Variants in SLC25A13 observed in about 807,000 individuals in gnomAD.
SLC25A13 encodes electrogenic aspartate/glutamate antiporter SLC25A13, mitochondrial.
In SLC25A13, 70 loss-of-function variants were observed where a neutral mutation model predicts 85.5. The observed-to-expected ratio is 0.82, with a 90% CI of 0.68 to 1.00. SLC25A13 has a LOEUF of 1.00. Ranked by LOEUF, SLC25A13 falls within the 50% of genes least tolerant of loss-of-function variation. SLC25A13 has a pLI of 0.00. For missense variants in SLC25A13, 765 were observed against 819.8 expected, an observed-to-expected ratio of 0.93 and a Z score of 0.82; for synonymous variants, 259 against 288.7, an observed-to-expected ratio of 0.90 and a Z score of 1.04.
At chr7:96,242,938 A>G (rs1797047811) in intron 3 of SLC25A13, among the ~76,000 whole-genome samples, 1 of 152,168 alleles carries the variant, frequency 6.6e-6, no homozygotes, top group Admixed American at 6.5e-5. Flanking sequence ...CCTGGCTCAG[A>G]ATAAATCTCT....
At chr7:96,302,382 G>GA (rs1562917945) in intron 1 of SLC25A13, among the ~76,000 whole-genome samples, 1 of 152,106 alleles carries the variant, frequency 6.6e-6, no homozygotes, top group African/African-American at 2.4e-5. Context: ...TCTTACAAGG[G>GA]AATCAAGCCA....
chr7:96,280,250 A>C (rs760352515), intron 2 of SLC25A13, among the ~76,000 whole-genome samples: 71 of 152,308 alleles, frequency 4.7e-4, no homozygotes, highest in Non-Finnish European at 5.1e-4. Flanking sequence ...AGATAGTGAA[A>C]CATGTTCAAA....
intron 4 of SLC25A13, among the ~76,000 whole-genome samples, chr7:96,232,329 T>C (rs780805276): frequency 6.6e-6 from 1 of 151,542 alleles, no homozygotes; most frequent in Non-Finnish European, 1.5e-5. Context: ...AGCAAACTAA[T>C]GTGGGAACAG....
At chr7:96,207,610 G>A (rs1422267225) in intron 5 of SLC25A13, among the ~76,000 whole-genome samples, 1 of 152,176 alleles carries the variant, frequency 6.6e-6, no homozygotes, top group East Asian at 1.9e-4. Flanking sequence ...GTAACTGTTA[G>A]AAACAAAGCA....
intron 2 of SLC25A13, among the ~76,000 whole-genome samples, chr7:96,292,160 C>T (rs1489580475): frequency 6.6e-6 from 1 of 152,146 alleles, no homozygotes; most frequent in Non-Finnish European, 1.5e-5. Flanking sequence ...AGCATATAAA[C>T]AGAACCAAAG....
intron 15 of SLC25A13, among the ~76,000 whole-genome samples, chr7:96,123,068 C>T (rs561876317): frequency 8.3e-4 from 126 of 152,254 alleles, no homozygotes; most frequent in African/African-American, 2.7e-3. Context: ...GCATACTACA[C>T]GCTTCCATTT....
intron 2 of SLC25A13, among the ~76,000 whole-genome samples, chr7:96,280,368 T>C (rs1215484775): frequency 6.6e-6 from 1 of 152,128 alleles, no homozygotes; most frequent in Non-Finnish European, 1.5e-5. Flanking sequence ...AAATGACCTT[T>C]AGAATCATTA....
intron 4 of SLC25A13, among the ~76,000 whole-genome samples, chr7:96,217,650 T>C (rs978714741): frequency 6.6e-6 from 1 of 152,154 alleles, no homozygotes; most frequent in Non-Finnish European, 1.5e-5. Context: ...ATTTTATGAT[T>C]CCATTTATAT....
intron 9 of SLC25A13, among the ~76,000 whole-genome samples, chr7:96,187,078 G>A (rs1794670775): frequency 6.6e-6 from 1 of 152,128 alleles, no homozygotes; most frequent in Admixed American, 6.5e-5. Flanking sequence ...TCCTCACAGT[G>A]TTTTTGATGC....
chr7:96,149,684 G>A (rs770761213), intron 13 of SLC25A13, among the ~76,000 whole-genome samples: 2 of 152,140 alleles, frequency 1.3e-5, no homozygotes, highest in South Asian at 2.1e-4. Flanking sequence ...CTTTGGAGTC[G>A]AACTGGAAGG....
intron 15 of SLC25A13, among the ~76,000 whole-genome samples, chr7:96,131,217 A>G (rs1341576374): frequency 2.6e-5 from 4 of 152,204 alleles, no homozygotes; most frequent in African/African-American, 9.6e-5. Context: ...GAAAAAAAGA[A>G]GATAGTTATT....
intron 4 of SLC25A13, among the ~76,000 whole-genome samples, chr7:96,211,433 CTAGAG>C (rs1186953387): frequency 5.9e-5 from 9 of 152,030 alleles, no homozygotes; most frequent in African/African-American, 2.2e-4. Context: ...TATAAATCTT[CTAGAG>C]TATACTATAC....
chr7:96,194,376 G>A (rs562037188), intron 5 of SLC25A13, among the ~76,000 whole-genome samples: 102 of 132,376 alleles, frequency 7.7e-4, no homozygotes, highest in African/African-American at 2.6e-3. Context: ...TGGGGAGGAG[G>A]AGGTTGCAGT....
chr7:96,135,061 G>A (rs1792217167), intron 14 of SLC25A13, among the ~76,000 whole-genome samples: 1 of 152,092 alleles, frequency 6.6e-6, no homozygotes, highest in South Asian at 2.1e-4. Context: ...ATGAGCACCT[G>A]TAGAAATCAA....
At chr7:96,318,548 T>C (rs1800214027) in intron 1 of SLC25A13, among the ~76,000 whole-genome samples, 2 of 152,248 alleles carry the variant, frequency 1.3e-5, no homozygotes, top group Non-Finnish European at 2.9e-5. Context: ...TTTAGATTAA[T>C]GTTCATTCAC....
intron 1 of SLC25A13, among the ~76,000 whole-genome samples, chr7:96,310,009 T>C (rs989730538): frequency 1.3e-5 from 2 of 152,226 alleles, no homozygotes; most frequent in East Asian, 3.9e-4. Context: ...AAGACACCCA[T>C]CTACAAGCCA....
At chr7:96,173,328 AC>A (rs1368990405) in intron 11 of SLC25A13, among the ~76,000 whole-genome samples, 1 of 152,192 alleles carries the variant, frequency 6.6e-6, no homozygotes, top group African/African-American at 2.4e-5. Flanking sequence ...TAACCACTCT[AC>A]AGAGAGGAAA....
chr7:96,245,501 A>G (rs1164116241), intron 3 of SLC25A13, among the ~76,000 whole-genome samples: 1 of 152,224 alleles, frequency 6.6e-6, no homozygotes, highest in Non-Finnish European at 1.5e-5. Flanking sequence ...TCTTTAGATA[A>G]ATATCCTTTA....
intron 14 of SLC25A13, among the ~76,000 whole-genome samples, chr7:96,143,016 T>G (rs536680573): frequency 6.6e-6 from 1 of 152,342 alleles, no homozygotes; most frequent in South Asian, 2.1e-4. Flanking sequence ...AGAGTCCATA[T>G]TCCTAAGTGA....
Sources: gnomAD v4.1 joint callset for allele counts (sites outside exome capture counted in the v4.1 genomes callset) on GRCh38, gnomAD v4.1.1 for gene constraint, MANE v1.5 for transcripts, NCBI Gene and HGNC (gene_info 2026-07-23, HGNC 2026-07-21) for gene names.